Variants in R3HCC1L observed in about 807,000 individuals in gnomAD.
R3HCC1L encodes R3H domain and coiled-coil containing 1 like.
In R3HCC1L, 51 loss-of-function variants were observed where a neutral mutation model predicts 59.9. That is an observed-to-expected ratio of 0.85 (90% CI 0.68 to 1.07). The LOEUF (loss-of-function observed/expected upper bound fraction) is 1.07, where lower values mean the gene tolerates loss of function less well. R3HCC1L is among the 50% of genes least tolerant of loss of function. The probability of loss-of-function intolerance (pLI) is 0.00; values close to 1 mark genes in which losing one functional copy is unlikely to be tolerated. For synonymous variants in R3HCC1L, 322 were observed against 315.2 expected (o/e 1.02, Z -0.23); for missense variants, 965 against 933.0 (o/e 1.03, Z -0.45).
At chr10:98,177,020 TA>T (rs1402656546) in intron 4 of R3HCC1L, among the ~76,000 whole-genome samples, 1 of 152,126 alleles carries the variant, frequency 6.6e-6, no homozygotes, top group Non-Finnish European at 1.5e-5. Context: ...GAACATTTTT[TA>T]AAATTAATTT....
chr10:98,169,456 C>T (rs761115625), intron 4 of R3HCC1L, among the ~76,000 whole-genome samples: 3 of 152,216 alleles, frequency 2.0e-5, no homozygotes, highest in Non-Finnish European at 4.4e-5. Flanking sequence ...ATGTTTACCA[C>T]AGTCCCTGTC....
At chr10:98,155,971 A>C (rs1171281958) in intron 1 of R3HCC1L, 122 bp from the exon 2 acceptor site, 2 of 152,056 alleles carry the variant, frequency 1.3e-5, no homozygotes, top group Non-Finnish European at 2.9e-5. Context: ...TGCCTGTGCA[A>C]ATTTTATTTG....
intron 4 of R3HCC1L, among the ~76,000 whole-genome samples, chr10:98,201,438 A>C (rs1484872842): frequency 6.6e-6 from 1 of 152,236 alleles, no homozygotes; most frequent in African/African-American, 2.4e-5. Flanking sequence ...ATTGTCATTC[A>C]AACATATTTA....
chr10:98,192,732 ATTC>A (rs2134888778), intron 4 of R3HCC1L, among the ~76,000 whole-genome samples: 2 of 152,308 alleles, frequency 1.3e-5, no homozygotes, highest in East Asian at 3.9e-4. Flanking sequence ...ATTGATACCA[ATTC>A]TTCTTAAACT....
At position 98,244,223 on chromosome 10, in the gene R3HCC1L, T is replaced by C. The variant is rs566675145; in HGVS notation, c.*65T>C. Reference sequence around the variant, plus strand: ...ATGTTTCCATAGCCTTCAGATAAGATGATCCTTCCAGAGCTCTATGTACAT... The same window carrying C: ...ATGTTTCCATAGCCTTCAGATAAGACGATCCTTCCAGAGCTCTATGTACAT... On this transcript the variant is annotated 3_prime_UTR_variant, in exon 10 of 10. Transcript: ENST00000298999. 134 of 1,481,466 alleles carry C rather than the reference T, an allele frequency of 9.0e-5. 1 individual carries two copies. The East Asian group carries it at 2.8e-3, about 31-fold the overall frequency. The allele number at this position is 1,481,466 out of a possible 1,614,324, so 91.8% of individuals were successfully genotyped here.
At chr10:98,162,349 T>C (rs984661778) in intron 2 of R3HCC1L, among the ~76,000 whole-genome samples, 2 of 152,204 alleles carry the variant, frequency 1.3e-5, no homozygotes, top group African/African-American at 4.8e-5. Flanking sequence ...TTTTGACACA[T>C]AAAAGTTTCT....
Position 98,206,281 on chromosome 10 carries a change from T to C in R3HCC1L, c.-14-1820T>C, listed in dbSNP as rs144035404. Among the ~76,000 whole-genome samples the C allele has an allele frequency of 4.1e-4, 62 of 151,362 alleles. No individual in the cohort carries two copies. In the East Asian group the frequency reaches 0.011, roughly 27 times the overall value. ...ATAAAAGCCTTTAGATCTTTCTTTA[T>C]GCAAATTATACAGAAGTCACGTCTT... On this transcript the variant is annotated intron_variant, in intron 4 of 9. Coordinates refer to ENST00000298999, the MANE Select transcript of R3HCC1L (RefSeq NM_001351015.2).
At chr10:98,207,983 C>T in intron 4 of R3HCC1L, 118 bp from the exon 5 acceptor site, 1 of 940,326 alleles carries the variant, frequency 1.1e-6, no homozygotes, top group South Asian at 1.8e-5. Context: ...TGAGATCGCT[C>T]CACTGTACTC....
intron 4 of R3HCC1L, chr10:98,174,857 AC>A (rs1848846796): frequency 1.2e-6 from 1 of 834,632 alleles, no homozygotes; most frequent in African/African-American, 1.9e-5. Context: ...AAAAATTCTT[AC>A]ATATTGATGT....
chr10:98,219,727 G>A (rs1854643362), intron 5 of R3HCC1L, among the ~76,000 whole-genome samples: 1 of 150,962 alleles, frequency 6.6e-6, no homozygotes, highest in Admixed American at 6.6e-5. Context: ...TGCTTATCTG[G>A]GAACAACTTT....
At chr10:98,177,742 A>C (rs1050678824) in intron 4 of R3HCC1L, among the ~76,000 whole-genome samples, 11 of 152,156 alleles carry the variant, frequency 7.2e-5, no homozygotes, top group Non-Finnish European at 1.5e-4. Context: ...GTGAGATGGT[A>C]TCTCATTGTG....
At chr10:98,237,735 G>A (rs1049742257) in intron 9 of R3HCC1L, among the ~76,000 whole-genome samples, 8 of 152,214 alleles carry the variant, frequency 5.3e-5, no homozygotes, top group Admixed American at 2.6e-4. Flanking sequence ...ATGCTCCAGC[G>A]TGCTACCATT....
rs564240043 is a variant in R3HCC1L, at chr10:98,181,499, G to T, written c.-15+18102G>T. Reference sequence around the variant, plus strand: ...TGAATCTGACAATTATGTGTCTTGGGGTTGCTCTTCTTGAGGAGTATCTTT... The same window carrying T: ...TGAATCTGACAATTATGTGTCTTGGTGTTGCTCTTCTTGAGGAGTATCTTT... On this transcript the variant is annotated intron_variant, in intron 4 of 9. Coordinates refer to ENST00000298999, the MANE Select transcript of R3HCC1L (RefSeq NM_001351015.2). Among the ~76,000 whole-genome samples, 3 of 152,076 alleles carry T rather than the reference G, an allele frequency of 2.0e-5. No individual in the cohort carries two copies. The South Asian group carries it at 6.2e-4, about 32-fold the overall frequency.
At chr10:98,201,501 C>T (rs986672619) in intron 4 of R3HCC1L, among the ~76,000 whole-genome samples, 3 of 150,922 alleles carry the variant, frequency 2.0e-5, no homozygotes, top group Admixed American at 6.6e-5. Context: ...AATGAATATA[C>T]TGTCTAAGTA....
chr10:98,171,012 T>C (rs1848458572), intron 4 of R3HCC1L, among the ~76,000 whole-genome samples: 3 of 152,214 alleles, frequency 2.0e-5, no homozygotes, highest in South Asian at 4.1e-4. Context: ...CAATAGTATA[T>C]AGGTCACCAC....
In R3HCC1L at chr10:98,234,481, C is replaced by T; in HGVS notation, c.1997C>T (p.Thr666Ile). 4 of 1,613,436 alleles carry T rather than the reference C, an allele frequency of 2.5e-6. No homozygotes were observed. The highest frequency in any genetic ancestry group is 3.4e-6 in the Non-Finnish European group (4 of 1,179,670). Residue 666 changes from threonine (T) to isoleucine (I), a missense_variant, in exon 7 of 10, where the codon ACA becomes ATA. Thr to Ile is a moderately conservative substitution (Grantham distance 89). Transcript: ENST00000298999. ...KGFDIKWVDD[T>I]HALGVFSSPI... The stretch of plus-strand genomic sequence containing the variant: ...TTTGATATTAAATGGGTGGATGATA[C>T]ACATGCCCTAGGAGTATTCTCCAGT...
chr10:98,193,361 G>A (rs998058245), intron 4 of R3HCC1L, among the ~76,000 whole-genome samples: 1 of 151,468 alleles, frequency 6.6e-6, no homozygotes, highest in Non-Finnish European at 1.5e-5. Flanking sequence ...GGTTTTACGT[G>A]TACAAAACCA....
chr10:98,160,738 CA>C lies in R3HCC1L; in HGVS notation c.-212-2140del, dbSNP rs1847335650. Among the ~76,000 whole-genome samples the C allele has an allele frequency of 2.0e-5, 3 of 152,138 alleles. No individual in the cohort carries two copies. The South Asian group carries it at 6.2e-4, about 31-fold the overall frequency. On this transcript the variant is annotated intron_variant, in intron 2 of 9. Transcript: ENST00000298999. Reference sequence around the variant, plus strand: ...CATGTTTCCAAAAGTCAGAACTCTACAAAAATGTTTATACTCAGGGCACTGT... The same window carrying C: ...CATGTTTCCAAAAGTCAGAACTCTACAAAATGTTTATACTCAGGGCACTGT...
At chr10:98,165,536 T>A (rs573837267) in intron 4 of R3HCC1L, among the ~76,000 whole-genome samples, 1 of 152,260 alleles carries the variant, frequency 6.6e-6, no homozygotes, top group Non-Finnish European at 1.5e-5. Flanking sequence ...ATTGATTTGA[T>A]ACGTATGCTA....
Sources: allele counts gnomAD v4.1 joint callset (sites outside exome capture counted in the v4.1 genomes callset), GRCh38; gene constraint gnomAD v4.1.1; transcripts MANE v1.5; gene names NCBI Gene and HGNC (gene_info 2026-07-23, HGNC 2026-07-21).